The following RAB38 variants were observed in gnomAD, a reference collection of about 807,000 sequenced individuals.
The protein encoded by RAB38 is RAB38, member RAS oncogene family, also known as ras-related protein Rab-38.
RAB38 carries 15 observed loss-of-function variants against 18.4 expected under a neutral mutation model. The ratio of observed to expected loss-of-function variants is 0.82; its 90% CI spans 0.55 to 1.26. The LOEUF is 1.26. RAB38 is among the 50% of genes most tolerant of loss of function. The pLI, the probability that RAB38 is intolerant of heterozygous loss-of-function variation, is 0.00. For synonymous variants in RAB38, 101 were observed against 104.4 expected (o/e 0.97, Z 0.20); for missense variants, 294 against 267.4 (o/e 1.10, Z -0.69).
At chr11:87,933,329 C>G in the RAB38 span, among the ~76,000 whole-genome samples, 70 of 152,182 alleles carry the variant, frequency 4.6e-4, 1 homozygote, top group South Asian at 2.1e-4. Flanking sequence ...CTGAGCCGTT[C>G]CTTGCCCACT....
the RAB38 span, among the ~76,000 whole-genome samples, chr11:88,043,930 T>C: frequency 6.6e-6 from 1 of 152,142 alleles, no homozygotes; most frequent in Non-Finnish European, 1.5e-5. Flanking sequence ...CCAAGGAACA[T>C]CTCACCAATT....
At chr11:88,064,117 C>T in the RAB38 span, among the ~76,000 whole-genome samples, 2 of 152,076 alleles carry the variant, frequency 1.3e-5, no homozygotes, top group African/African-American at 2.4e-5. Context: ...ATGGAGATTC[C>T]AAATTTTGAG....
At chr11:87,866,802 G>GA in the RAB38 span, among the ~76,000 whole-genome samples, 2 of 151,758 alleles carry the variant, frequency 1.3e-5, no homozygotes, top group African/African-American at 2.4e-5. Flanking sequence ...GCCCAGAATG[G>GA]AAGAGGGTCA....
the RAB38 span, among the ~76,000 whole-genome samples, chr11:87,952,659 A>C: frequency 6.6e-6 from 1 of 152,182 alleles, no homozygotes; most frequent in Non-Finnish European, 1.5e-5. Context: ...AGTACTATGC[A>C]TGGTTTCGGA....
chr11:87,908,877 T>C, the RAB38 span, among the ~76,000 whole-genome samples: 2 of 151,996 alleles, frequency 1.3e-5, no homozygotes, highest in East Asian at 3.9e-4. Context: ...TATTGGAGCA[T>C]TTCAAAATGC....
At chr11:87,865,724 AG>A in the RAB38 span, among the ~76,000 whole-genome samples, 116 of 151,840 alleles carry the variant, frequency 7.6e-4, 1 homozygote, top group African/African-American at 2.7e-3. Context: ...GAAGGAAGGA[AG>A]AAAAGAAGAG....
chr11:88,154,494 G>A (rs1565218474), intron 1 of RAB38, among the ~76,000 whole-genome samples: 1 of 152,190 alleles, frequency 6.6e-6, no homozygotes, highest in Non-Finnish European at 1.5e-5. Context: ...AACTGCAGGT[G>A]TCCAGCCTGC....
chr11:88,021,822 C>A, the RAB38 span, among the ~76,000 whole-genome samples: 3 of 143,220 alleles, frequency 2.1e-5, no homozygotes, highest in Non-Finnish European at 4.5e-5. Context: ...CCACTGCACT[C>A]CAGCCTGGGT....
chr11:87,822,984 A>G, the RAB38 span, among the ~76,000 whole-genome samples: 1 of 152,216 alleles, frequency 6.6e-6, no homozygotes, highest in African/African-American at 2.4e-5. Flanking sequence ...AAAGTTAATT[A>G]TAACAGGGAG....
intron 2 of RAB38, among the ~76,000 whole-genome samples, chr11:88,118,324 G>C (rs1409741398): frequency 6.6e-6 from 1 of 152,218 alleles, no homozygotes; most frequent in Non-Finnish European, 1.5e-5. Flanking sequence ...AAAGGGCCTA[G>C]GCTAGGAGAA....
the RAB38 span, among the ~76,000 whole-genome samples, chr11:88,099,166 C>A: frequency 6.6e-6 from 1 of 151,628 alleles, no homozygotes; most frequent in Non-Finnish European, 1.5e-5. Flanking sequence ...AAAAATCAAA[C>A]GTAATTGAAA....
Position 88,173,771 on chromosome 11 carries a change from G to A in RAB38, c.202+1412C>T, listed in dbSNP as rs1442252645. Reference sequence around the variant, plus strand: ...TGGCTGATAACATTTTCTGTTCTCTGATAACCCCCTTGCTACTAGAGCAGC... The same window carrying A: ...TGGCTGATAACATTTTCTGTTCTCTAATAACCCCCTTGCTACTAGAGCAGC... On this transcript the variant is annotated intron_variant, in intron 1 of 2. Coordinates refer to ENST00000243662, the MANE Select transcript of RAB38 (RefSeq NM_022337.3). 8.2e-5 allele frequency: 81 copies of A among 985,190 alleles called. No homozygotes were observed. The Admixed American group carries it at 1.4e-3, about 17-fold the overall frequency. 61.0% of individuals were successfully genotyped at this position (985,190 alleles called of 1,614,324 possible).
At chr11:88,086,768 T>C in the RAB38 span, among the ~76,000 whole-genome samples, 3 of 151,910 alleles carry the variant, frequency 2.0e-5, no homozygotes, top group East Asian at 1.9e-4. Context: ...TTATCCCCTC[T>C]AGGAGTGTCT....
intron 2 of RAB38, among the ~76,000 whole-genome samples, chr11:88,128,123 A>G (rs1188755758): frequency 6.6e-6 from 1 of 152,232 alleles, no homozygotes; most frequent in Non-Finnish European, 1.5e-5. Flanking sequence ...AGGACAGCTT[A>G]GGACAGGGAA....
intron 2 of RAB38, among the ~76,000 whole-genome samples, chr11:88,116,106 G>T (rs1942548264): frequency 6.6e-6 from 1 of 152,094 alleles, no homozygotes; most frequent in African/African-American, 2.4e-5. Flanking sequence ...CACGTCTAAG[G>T]GTCACACCTG....
the RAB38 span, among the ~76,000 whole-genome samples, chr11:87,954,085 T>C: frequency 2.0e-5 from 3 of 152,168 alleles, no homozygotes; most frequent in East Asian, 5.8e-4. Flanking sequence ...GCCATGTTCA[T>C]GTAAATGTGC....
the RAB38 span, among the ~76,000 whole-genome samples, chr11:87,960,039 C>T: frequency 6.6e-6 from 1 of 152,108 alleles, no homozygotes; most frequent in Non-Finnish European, 1.5e-5. Flanking sequence ...AAAGGAAAAT[C>T]TAGAGTCAAT....
chr11:87,863,556 C>A, the RAB38 span, among the ~76,000 whole-genome samples: 1 of 140,544 alleles, frequency 7.1e-6, no homozygotes, highest in Admixed American at 7.1e-5. Context: ...AAAACAGAAA[C>A]AGAAGGCAGG....
chr11:88,073,459 T>A, the RAB38 span, among the ~76,000 whole-genome samples: 1 of 151,706 alleles, frequency 6.6e-6, no homozygotes, highest in Non-Finnish European at 1.5e-5. Context: ...TGCCATCTAA[T>A]ACCAAAAAGA....
Sources: gnomAD v4.1 joint callset for allele counts (sites outside exome capture counted in the v4.1 genomes callset) on GRCh38, gnomAD v4.1.1 for gene constraint, MANE v1.5 for transcripts, NCBI Gene and HGNC (gene_info 2026-07-23, HGNC 2026-07-21) for gene names.